SPG21: variants seen among roughly 807,000 people sequenced by gnomAD.
SPG21 encodes maspardin.
Under a neutral mutation model 38.9 loss-of-function variants are expected in SPG21, and 26 were observed. The observed-to-expected ratio is 0.67, with a 90% confidence interval of 0.49 to 0.93. SPG21 has a LOEUF of 0.93. Among genes scored for constraint, SPG21 ranks in the 40% least tolerant of loss-of-function variants. The pLI is 0.00. For missense variants in SPG21, 333 were observed against 376.5 expected, an observed-to-expected ratio of 0.88 and a Z score of 0.96; for synonymous variants, 136 against 128.9, an observed-to-expected ratio of 1.05 and a Z score of -0.37.
chr15:64,978,323 C>G (rs1450085895), intron 3 of SPG21, among the ~76,000 whole-genome samples: 1 of 151,906 alleles, frequency 6.6e-6, no homozygotes, highest in African/African-American at 2.4e-5. Flanking sequence ...GTGACAGGCA[C>G]CTGTAATCCC....
At chr15:64,974,504 T>C in intron 5 of SPG21, 98 bp downstream of exon 5, 4 of 1,422,514 alleles carry the variant, frequency 2.8e-6, no homozygotes, top group Non-Finnish European at 3.9e-6. Flanking sequence ...TTGCAGAATA[T>C]AGAAGTAGAT....
intron 5 of SPG21, among the ~76,000 whole-genome samples, chr15:64,974,245 T>C (rs974191761): frequency 6.6e-6 from 1 of 152,186 alleles, no homozygotes; most frequent in African/African-American, 2.4e-5. Flanking sequence ...GGTGGGCAGA[T>C]GGCTTGAGCC....
At position 64,975,032 on chromosome 15, in the gene SPG21, G is replaced by A. The variant is rs532414905; in HGVS notation, c.307-285C>T. The stretch of plus-strand genomic sequence containing the variant: ...AGTCCAGGCACGGTGGCTCACACCT[G>A]TAATCCCAGCACTTTGGGAGGCCGA... On this transcript the variant is annotated intron_variant, in intron 4 of 8. Coordinates refer to ENST00000204566, the MANE Select transcript of SPG21 (RefSeq NM_016630.7). 3.3e-5 allele frequency among the ~76,000 whole-genome samples: 5 copies of A among 152,212 alleles called. No individual in the cohort carries two copies. In the South Asian group the frequency reaches 1.0e-3, roughly 32 times the overall value.
chr15:64,964,498 C>T (rs1263427495), intron 8 of SPG21, among the ~76,000 whole-genome samples: 2 of 152,144 alleles, frequency 1.3e-5, no homozygotes, highest in African/African-American at 4.8e-5. Context: ...AGCCACCATG[C>T]GTGGCCAGGA....
At chr15:64,982,737 T>C (rs1169977719) in intron 2 of SPG21, among the ~76,000 whole-genome samples, 1 of 152,178 alleles carries the variant, frequency 6.6e-6, no homozygotes, top group African/African-American at 2.4e-5. Context: ...ATATAAGTGT[T>C]TTGGGTTTTC....
intron 1 of SPG21, among the ~76,000 whole-genome samples, chr15:64,984,668 A>C (rs1410186029): frequency 6.6e-6 from 1 of 151,548 alleles, no homozygotes; most frequent in African/African-American, 2.4e-5. Flanking sequence ...AAGAAGTTTA[A>C]GTTAAGCCTG....
chr15:64,969,299 C>G lies in SPG21; in HGVS notation c.625G>C (p.Val209Leu). The change falls in exon 7 of 9, where the codon GTG (valine) becomes CTG (leucine). Residue 209 changes from valine (V) to leucine (L), a missense_variant. Transcript: ENST00000204566. ...RLTLNCQNSY[V>L]EPHKIRDIPV... is the part of the protein sequence containing the mutation. ...ATGTCCCGAATTTTATGAGGTTCCA[C>G]ATAAGAATTTTGACAATTCAAGGTA... The G allele has an allele frequency of 6.2e-7, 1 of 1,614,108 alleles. No individual in the cohort carries two copies.
chr15:64,967,663 G>A (rs537484866), intron 7 of SPG21, among the ~76,000 whole-genome samples: 2 of 152,046 alleles, frequency 1.3e-5, no homozygotes, highest in Admixed American at 6.5e-5. Context: ...CAGTAGAGAC[G>A]GGTTTCACCA....
intron 1 of SPG21, chr15:64,988,568 C>A (rs1012605775): frequency 6.6e-6 from 1 of 152,198 alleles, no homozygotes; most frequent in African/African-American, 2.4e-5. Flanking sequence ...ATCTATCCCT[C>A]TTTTCTTCAT....
intron 3 of SPG21, among the ~76,000 whole-genome samples, chr15:64,978,003 T>C (rs897687334): frequency 6.6e-6 from 1 of 151,868 alleles, no homozygotes; most frequent in Non-Finnish European, 1.5e-5. Flanking sequence ...TTTGTTGTTG[T>C]TGTATTTTTA....
chr15:64,976,411 T>C (rs183324628), intron 4 of SPG21, 64 bp downstream of exon 4: 1 of 1,199,610 alleles, frequency 8.3e-7, no homozygotes, highest in Non-Finnish European at 1.2e-6. Flanking sequence ...GGTGACAGAG[T>C]GAGACTTCAT....
Position 64,970,222 on chromosome 15 carries a change from G to C in SPG21, c.453C>G (p.Ser151Arg), listed in dbSNP as rs2085635239. The change falls in exon 6 of 9, where the codon AGC (serine) becomes AGG (arginine). Residue 151 changes from serine (S) to arginine (R), a missense_variant and splice_region_variant. Coordinates refer to ENST00000204566, the MANE Select transcript of SPG21 (RefSeq NM_016630.7). ...SIFNQTWTAN[S>R]FWLMPAFMLK... ...GCATAAATGCAGGCATCAGCCAAAA[G>C]CTGTAAAACACAAAGACCTTATAAT... 1.2e-6 allele frequency: 2 copies of C among 1,612,358 alleles called. No individual in the cohort carries two copies. The highest frequency in any genetic ancestry group is 1.7e-6 in the Non-Finnish European group (2 of 1,178,640).
At chr15:64,983,418 C>G (rs1357083900) in intron 2 of SPG21, 89 bp downstream of exon 2, 2 of 960,222 alleles carry the variant, frequency 2.1e-6, no homozygotes, top group Non-Finnish European at 3.3e-6. Flanking sequence ...AACCTTTACT[C>G]TCAAACACTA....
chr15:64,976,771 C>T (rs543237284), intron 3 of SPG21, among the ~76,000 whole-genome samples: 35 of 152,294 alleles, frequency 2.3e-4, no homozygotes, highest in Non-Finnish European at 3.5e-4. Context: ...AAAGTAAGCA[C>T]ACTCTAATGA....
rs374212037 is a variant in SPG21, at chr15:64,974,650, T to C, written c.404A>G (p.Asn135Ser). ...GAAGATAGAGGTGTCACTGAAGGAA[T>C]TGCAGAGGATTAGGGAATGGACTCT... ...SPRVHSLILC[N>S]SFSDTSIFNQ... Residue 135 changes from asparagine to serine, a missense_variant, in exon 5 of 9, where the codon AAT becomes AGT. By Grantham distance (46) the Asn-to-Ser change is conservative. Transcript: ENST00000204566. 1.5e-5 allele frequency: 24 copies of C among 1,614,088 alleles called. No individual in the cohort carries two copies. Among genetic ancestry groups the C allele is most frequent in the Middle Eastern group, 1.6e-4 (1 of 6,084 alleles).
At chr15:64,967,468 T>TC (rs1391868929) in intron 7 of SPG21, among the ~76,000 whole-genome samples, 6 of 102,352 alleles carry the variant, frequency 5.9e-5, no homozygotes, top group Admixed American at 1.2e-4. Flanking sequence ...CAGCTAATTT[T>TC]CCTTTTTTTT....
Position 64,980,740 on chromosome 15 carries a change from C to CAAACAAA in SPG21, c.225+117_225+123dup, listed in dbSNP as rs1247370007. On this transcript the variant is annotated intron_variant, in intron 3 of 8. Coordinates refer to ENST00000204566, the MANE Select transcript of SPG21 (RefSeq NM_016630.7). ...GCGACAGAGTGAGAATCCATCTCAA[C>CAAACAAA]AAACAAACAAACAAACAAACAAACA... 8.8e-5 allele frequency: 23 copies of CAAACAAA among 261,768 alleles called. No individual in the cohort carries two copies. In the African/African-American group the frequency reaches 1.1e-3, roughly 12 times the overall value. 16.2% of individuals were successfully genotyped at this position (261,768 alleles called of 1,614,324 possible). A position where few individuals can be genotyped will look rare whatever the true frequency, so the allele number is the denominator to read the frequency against.
intron 3 of SPG21, among the ~76,000 whole-genome samples, chr15:64,980,333 A>C (rs2085857952): frequency 6.6e-6 from 1 of 152,206 alleles, no homozygotes; most frequent in African/African-American, 2.4e-5. Context: ...AGAGGCTGCC[A>C]AAAGAGGTTT....
chr15:64,988,648 C>T (rs2086048713), intron 1 of SPG21: 1 of 152,228 alleles, frequency 6.6e-6, no homozygotes, highest in East Asian at 1.9e-4. Context: ...TTCTCATGCT[C>T]TTGGGAAAAA....
Sources: allele counts gnomAD v4.1 joint callset (sites outside exome capture counted in the v4.1 genomes callset), GRCh38; gene constraint gnomAD v4.1.1; transcripts MANE v1.5; gene names NCBI Gene and HGNC (gene_info 2026-07-23, HGNC 2026-07-21).